Variants in RORA observed in about 807,000 individuals in gnomAD.
The protein encoded by RORA is RAR related orphan receptor A.
In RORA, 7 loss-of-function variants were observed where a neutral mutation model predicts 69.5. That is an observed-to-expected ratio of 0.10 (90% CI 0.06 to 0.19). RORA has a LOEUF of 0.19. Among genes scored for constraint, RORA ranks in the 10% least tolerant of loss-of-function variants. The pLI is 1.00. For synonymous variants in RORA, 261 were observed against 240.8 expected (o/e 1.08, Z -0.78); for missense variants, 457 against 663.0 (o/e 0.69, Z 3.41).
chr15:60,685,691 C>A (rs2070735470), intron 1 of RORA, among the ~76,000 whole-genome samples: 1 of 152,116 alleles, frequency 6.6e-6, no homozygotes. Flanking sequence ...GACTTTGTTT[C>A]AAAAATTCTT....
chr15:61,034,381 A>T (rs1354906021), intron 1 of RORA, among the ~76,000 whole-genome samples: 1 of 152,218 alleles, frequency 6.6e-6, no homozygotes, highest in Non-Finnish European at 1.5e-5. Flanking sequence ...GAGTCAGTCT[A>T]TATAGAGGCT....
intron 1 of RORA, among the ~76,000 whole-genome samples, chr15:60,940,664 C>T (rs1305757548): frequency 6.6e-6 from 1 of 152,288 alleles, no homozygotes; most frequent in East Asian, 1.9e-4. Context: ...ATATTGTAGT[C>T]AGCCTGTAAT....
At chr15:60,734,972 T>C (rs1255783929) in intron 1 of RORA, among the ~76,000 whole-genome samples, 1 of 152,202 alleles carries the variant, frequency 6.6e-6, no homozygotes, top group Non-Finnish European at 1.5e-5. Context: ...GGCAGCACAG[T>C]TGGGTATAAA....
intron 1 of RORA, among the ~76,000 whole-genome samples, chr15:61,087,122 G>A (rs1433544741): frequency 6.6e-6 from 1 of 152,218 alleles, no homozygotes; most frequent in Non-Finnish European, 1.5e-5. Context: ...AGTGAGCTAT[G>A]ATTGCACCTG....
intron 1 of RORA, chr15:60,848,921 C>T (rs1464075476): frequency 6.6e-6 from 1 of 152,226 alleles, no homozygotes; most frequent in African/African-American, 2.4e-5. Context: ...AAATCCAAAC[C>T]ATATCACAAC....
chr15:61,154,955 A>G (rs898696342), intron 1 of RORA, among the ~76,000 whole-genome samples: 1 of 152,212 alleles, frequency 6.6e-6, no homozygotes, highest in South Asian at 2.1e-4. Context: ...TGCAGAGATT[A>G]TCACGTTCCC....
chr15:60,609,224 G>C (rs150709926), intron 2 of RORA, among the ~76,000 whole-genome samples: 1 of 152,090 alleles, frequency 6.6e-6, no homozygotes, highest in East Asian at 1.9e-4. Flanking sequence ...TGGCATCTCT[G>C]CTCCACAGAC....
chr15:60,676,911 G>C (rs114444823), intron 2 of RORA, among the ~76,000 whole-genome samples: 118 of 152,334 alleles, frequency 7.7e-4, no homozygotes, highest in African/African-American at 2.6e-3. Flanking sequence ...GTAACATCTA[G>C]ATTTCTGTCT....
chr15:60,594,567 TC>T (rs986671734), intron 2 of RORA, among the ~76,000 whole-genome samples: 61 of 152,176 alleles, frequency 4.0e-4, no homozygotes, highest in African/African-American at 1.5e-3. Context: ...AAGAACCAAA[TC>T]TATTAGCTCT....
chr15:60,541,853 A>T (rs1475997714), intron 2 of RORA, among the ~76,000 whole-genome samples: 1 of 152,240 alleles, frequency 6.6e-6, no homozygotes, highest in South Asian at 2.1e-4. Flanking sequence ...TAAGAACACA[A>T]CAGCCATGTA....
chr15:60,639,983 T>C (rs922809214), intron 2 of RORA, among the ~76,000 whole-genome samples: 16 of 152,200 alleles, frequency 1.1e-4, no homozygotes, highest in Admixed American at 7.9e-4. Flanking sequence ...AAAACACTGT[T>C]GTATCGTGGA....
rs1320357587 is a variant in RORA, at chr15:60,511,889, T to C, written c.425-268A>G. The C allele has an allele frequency of 1.0e-5, 4 of 381,304 alleles. No individual in the cohort carries two copies. The highest frequency in any genetic ancestry group is 8.3e-5 in the African/African-American group (4 of 48,132). 23.6% of individuals were successfully genotyped at this position (381,304 alleles called of 1,614,324 possible). On this transcript the variant is annotated intron_variant, in intron 4 of 10. Transcript: ENST00000335670. The surrounding 1 kb of genome is among the most constrained non-coding windows in gnomAD (Gnocchi z 6.4). Reference sequence around the variant, plus strand: ...GAGGGGCCCAGAGAGATGCCACTTCTGTTTCCCTGCTGTCACATCCCCCGT... The same window carrying C: ...GAGGGGCCCAGAGAGATGCCACTTCCGTTTCCCTGCTGTCACATCCCCCGT...
At chr15:61,083,311 T>C (rs1386573000) in intron 1 of RORA, among the ~76,000 whole-genome samples, 3 of 152,110 alleles carry the variant, frequency 2.0e-5, no homozygotes, top group Non-Finnish European at 4.4e-5. Flanking sequence ...GAATCCAAAG[T>C]GCAAGATTAA....
intron 2 of RORA, among the ~76,000 whole-genome samples, chr15:60,659,962 A>AT (rs1410995040): frequency 2.0e-5 from 3 of 152,198 alleles, no homozygotes; most frequent in Admixed American, 2.0e-4. Flanking sequence ...ACTAATAAGG[A>AT]TTTTTTAAAA....
chr15:60,966,125 G>A (rs772852987), intron 1 of RORA, among the ~76,000 whole-genome samples: 6 of 152,082 alleles, frequency 3.9e-5, no homozygotes, highest in Non-Finnish European at 7.4e-5. Flanking sequence ...CCACTCAATG[G>A]TCATCTTCTC....
chr15:61,199,344 A>G (rs1260760243), intron 1 of RORA, among the ~76,000 whole-genome samples: 1 of 152,192 alleles, frequency 6.6e-6, no homozygotes, highest in African/African-American at 2.4e-5. Flanking sequence ...TGAATACACG[A>G]ACGAATCCAA....
chr15:61,023,085 G>A (rs770272681), intron 1 of RORA, among the ~76,000 whole-genome samples: 1 of 151,150 alleles, frequency 6.6e-6, no homozygotes, highest in Non-Finnish European at 1.5e-5. Context: ...CTACTCGGGA[G>A]GCTGAGGCAG....
At chr15:61,151,033 T>C (rs1057487768) in intron 1 of RORA, among the ~76,000 whole-genome samples, 4 of 152,232 alleles carry the variant, frequency 2.6e-5, no homozygotes, top group Non-Finnish European at 5.9e-5. Flanking sequence ...AGATAGCAAG[T>C]AAGTTGCACA....
rs558508140 is a variant in RORA, at chr15:60,958,945, G to T, written c.166+270108C>A. Among the ~76,000 whole-genome samples the T allele has an allele frequency of 4.6e-5, 7 of 152,306 alleles. No individual in the cohort carries two copies. In the South Asian group the frequency reaches 1.4e-3, roughly 32 times the overall value. ...GCAATGGCCCATACTCTCTGCACCA[G>T]AAGAGCAAGAGTCCCAGCAACCAAC... On this transcript the variant is annotated intron_variant, in intron 1 of 10. Coordinates refer to ENST00000335670, the MANE Select transcript of RORA (RefSeq NM_134261.3).
Sources: gnomAD v4.1 joint callset for allele counts (sites outside exome capture counted in the v4.1 genomes callset) on GRCh38, gnomAD v4.1.1 for gene constraint, Gnocchi (gnomAD v3.1) non-coding constraint, MANE v1.5 for transcripts, NCBI Gene and HGNC (gene_info 2026-07-23, HGNC 2026-07-21) for gene names.